The following PHYHD1 variants were observed in gnomAD, a reference collection of about 807,000 sequenced individuals.
PHYHD1 encodes phytanoyl-CoA dioxygenase domain containing 1.
PHYHD1 carries 42 observed loss-of-function variants against 43.6 expected under a neutral mutation model. That is an observed-to-expected ratio of 0.96 (90% CI 0.75 to 1.25). PHYHD1 has a LOEUF of 1.25. PHYHD1 is among the 50% of genes most tolerant of loss of function. The probability of loss-of-function intolerance (pLI) is 0.00; values close to 1 mark genes in which losing one functional copy is unlikely to be tolerated. For synonymous variants in PHYHD1, 139 were observed against 143.6 expected, an observed-to-expected ratio of 0.97 and a Z score of 0.23; for missense variants, 342 against 370.8, an observed-to-expected ratio of 0.92 and a Z score of 0.64.
intron 3 of PHYHD1, among the ~76,000 whole-genome samples, chr9:128,923,315 G>A (rs1841051460): frequency 1.3e-5 from 2 of 152,148 alleles, no homozygotes; most frequent in African/African-American, 4.8e-5. Context: ...GGGCTAAAGC[G>A]ATCCTCCTGC....
chr9:128,941,506 C>T lies in PHYHD1; in HGVS notation c.765C>T (p.Arg255=), dbSNP rs748659496. ...VHKSKQNLSD[R]SRQAYTFHLM... ...AGAGCAAGCAGAACCTCTCTGACCG[C>T]TCGCGCCAGGCCTACACTTTCCACC... is the stretch of plus-strand genomic sequence containing the variant. The change falls in exon 12 of 13, where the codon CGC becomes CGT. Residue 255 remains arginine, a synonymous_variant. Transcript: ENST00000372592. The T allele has an allele frequency of 1.2e-6, 2 of 1,614,094 alleles. No individual in the cohort carries two copies. Among genetic ancestry groups the T allele is most frequent in the Admixed American group, 1.7e-5 (1 of 60,010 alleles).
chr9:128,932,166 A>ATTATTTTTTTTTTTTTTTTT (rs1564540372), intron 4 of PHYHD1, among the ~76,000 whole-genome samples: 1 of 122,746 alleles, frequency 8.1e-6, no homozygotes, highest in African/African-American at 3.5e-5. Context: ...TATTATTATT[A>ATTATTTTTTTTTTTTTTTTT]TTGTTATTAT....
intron 4 of PHYHD1, among the ~76,000 whole-genome samples, chr9:128,932,169 G>A (rs12346952): frequency 0.46 from 52,286 of 112,714 alleles, 12,941 homozygotes; most frequent in African/African-American, 0.56. Context: ...TATTATTATT[G>A]TTATTATTAT....
At chr9:128,921,875 G>A (rs1841006481) in intron 1 of PHYHD1, 55 bp from the exon 2 acceptor site, 1 of 169,450 alleles carries the variant, frequency 5.9e-6, no homozygotes, top group South Asian at 1.5e-4. Flanking sequence ...CCATTACCTG[G>A]AGAAGGGGGG....
chr9:128,926,427 ATTT>A (rs1841135571), intron 3 of PHYHD1, among the ~76,000 whole-genome samples: 1 of 150,420 alleles, frequency 6.6e-6, no homozygotes, highest in Non-Finnish European at 1.5e-5. Context: ...AAGTTTTTGT[ATTT>A]TTAGTAGAGA....
intron 4 of PHYHD1, among the ~76,000 whole-genome samples, chr9:128,929,773 C>T (rs1841225057): frequency 6.6e-6 from 1 of 152,050 alleles, no homozygotes; most frequent in Non-Finnish European, 1.5e-5. Context: ...TTACTGGTTC[C>T]CTCATGAAAT....
chr9:128,932,181 A>ATTTTTT (rs1265015070), intron 4 of PHYHD1, among the ~76,000 whole-genome samples: 7 of 107,710 alleles, frequency 6.5e-5, no homozygotes, highest in South Asian at 5.7e-4. Context: ...TATTATTATT[A>ATTTTTT]TTATTTTTTT....
intron 9 of PHYHD1, 119 bp from the exon 10 acceptor site, chr9:128,940,250 T>C: frequency 6.9e-7 from 1 of 1,452,722 alleles, no homozygotes; most frequent in East Asian, 2.3e-5. Flanking sequence ...AGATTCTAAC[T>C]GATCATGGGA....
In PHYHD1 at chr9:128,921,959, T is replaced by C. The variant is rs1841009161; in HGVS notation, c.-130T>C. 1.0e-5 allele frequency: 3 copies of C among 293,562 alleles called. No individual in the cohort carries two copies. The highest frequency in any genetic ancestry group is 1.9e-5 in the Non-Finnish European group (3 of 156,530). 18.2% of individuals were successfully genotyped at this position (293,562 alleles called of 1,614,324 possible). On this transcript the variant is annotated 5_prime_UTR_variant, in exon 2 of 13. Coordinates refer to ENST00000372592, the MANE Select transcript of PHYHD1 (RefSeq NM_001100876.2). ...AGGCCTAGAGAGAGGCAGGCGTTCCTCAGAGTCACAGGGAATGGCGGCGCC... is the reference window on the plus strand; with the variant it reads ...AGGCCTAGAGAGAGGCAGGCGTTCCCCAGAGTCACAGGGAATGGCGGCGCC...
rs563199924 is a variant in PHYHD1 at position 128,926,437 on chromosome 9, G to A, written c.34-601G>A. 8.5e-5 allele frequency among the ~76,000 whole-genome samples: 13 copies of A among 152,086 alleles called. No individual in the cohort carries two copies. The East Asian group carries it at 2.1e-3, about 25-fold the overall frequency. On this transcript the variant is annotated intron_variant, in intron 3 of 12. Transcript: ENST00000372592. ...TGGCCAAGTTTTTGTATTTTTAGTA[G>A]AGATGGGGTTTCACCATGTTGGTCA...
chr9:128,922,374 G>C lies in PHYHD1; in HGVS notation c.33+18G>C, dbSNP rs1206400558. ...TCCAGAAGGTAGGAGCCTGCAAGTC[G>C]GGGCCGGGAGGGTCATGGCGGGGGG... On this transcript the variant is annotated intron_variant, in intron 3 of 12. Coordinates refer to ENST00000372592, the MANE Select transcript of PHYHD1 (RefSeq NM_001100876.2). 6.5e-7 allele frequency: 1 copy of C among 1,547,890 alleles called. No homozygotes were observed. Among genetic ancestry groups the C allele is most frequent in the East Asian group, 2.4e-5 (1 of 40,838 alleles).
chr9:128,927,270 G>T (rs752994821), intron 4 of PHYHD1, 74 bp downstream of exon 4: 2 of 1,573,688 alleles, frequency 1.3e-6, no homozygotes, highest in African/African-American at 1.3e-5. Context: ...GAGCAGCATC[G>T]TGGAAGGGAG....
At position 128,937,760 on chromosome 9, in the gene PHYHD1, C is replaced by T. The variant is rs865957776; in HGVS notation, c.439C>T (p.Pro147Ser). 9.3e-6 allele frequency: 15 copies of T among 1,614,036 alleles called. No individual in the cohort carries two copies. In the Middle Eastern group the frequency reaches 2.5e-3, roughly 272 times the overall value. Residue 147 changes from proline (P) to serine (S), a missense_variant, in exon 9 of 13, where the codon CCT becomes TCT. By Grantham distance (74) the Pro-to-Ser change is moderately conservative (BLOSUM62 -1). Coordinates refer to ENST00000372592, the MANE Select transcript of PHYHD1 (RefSeq NM_001100876.2). ...VVQSMYIFKQ[P>S]HFGGEVSPHQ... ...AGGCTTTTCCTCTCTCTTGCAGCAA[C>T]CTCACTTTGGCGGTGAAGGTGAGCT...
chr9:128,941,008 A>G (rs1477611807), intron 11 of PHYHD1, among the ~76,000 whole-genome samples: 1 of 152,154 alleles, frequency 6.6e-6, no homozygotes, highest in Non-Finnish European at 1.5e-5. Flanking sequence ...AGTCAGTGAG[A>G]TGATAAATAT....
chr9:128,930,100 A>C (rs1342738047), intron 4 of PHYHD1, among the ~76,000 whole-genome samples: 1 of 151,778 alleles, frequency 6.6e-6, no homozygotes, highest in Admixed American at 6.6e-5. Context: ...CAACATGGCA[A>C]AACCCCATCT....
intron 6 of PHYHD1, among the ~76,000 whole-genome samples, chr9:128,934,762 C>G (rs1004028713): frequency 2.7e-5 from 4 of 150,340 alleles, no homozygotes; most frequent in African/African-American, 9.7e-5. Context: ...GAGTGAAACT[C>G]CGTCTCAAAA....
In PHYHD1 at chr9:128,941,677, A is replaced by G; in HGVS notation, c.840A>G (p.Pro280=). 1 of 1,614,148 alleles carries G rather than the reference A, an allele frequency of 6.2e-7. No homozygotes were observed. The highest frequency in any genetic ancestry group is 8.5e-7 in the Non-Finnish European group (1 of 1,180,004). The change falls in exon 13 of 13, where the codon CCA becomes CCG. Residue 280 remains proline (P), a synonymous_variant. Transcript: ENST00000372592. Reference sequence around the variant, plus strand: ...CCTCTATCCTCTGCAGGCTCCAGCCAACAGCTGAACTGCCCTTTCCCCAAC... The same window carrying G: ...CCTCTATCCTCTGCAGGCTCCAGCCGACAGCTGAACTGCCCTTTCCCCAAC... ...TTWSPENWLQ[P]TAELPFPQLY...
At chr9:128,928,288 C>T (rs761543589) in intron 4 of PHYHD1, among the ~76,000 whole-genome samples, 12 of 152,210 alleles carry the variant, frequency 7.9e-5, no homozygotes, top group Non-Finnish European at 5.9e-5. Flanking sequence ...GAGACAGCTC[C>T]TGCAGCCAGA....
chr9:128,936,792 C>T, intron 8 of PHYHD1, 147 bp downstream of exon 8: 1 of 984,372 alleles, frequency 1.0e-6, no homozygotes, highest in East Asian at 2.6e-5. Context: ...GGCTAAAGCA[C>T]CTGGAACTTA....
Sources: allele counts gnomAD v4.1 joint callset (sites outside exome capture counted in the v4.1 genomes callset), GRCh38; gene constraint gnomAD v4.1.1; transcripts MANE v1.5; gene names NCBI Gene and HGNC (gene_info 2026-07-23, HGNC 2026-07-21).